Variants in GSE1 observed in about 807,000 individuals in gnomAD.
GSE1 encodes Gse1 coiled-coil protein.
GSE1 carries 32 observed loss-of-function variants against 112.6 expected under a neutral mutation model. The ratio of observed to expected loss-of-function variants is 0.28; its 90% CI spans 0.21 to 0.38. The LOEUF is 0.38. Ranked by LOEUF, GSE1 falls within the 10% of genes least tolerant of loss-of-function variation. GSE1 has a pLI of 1.00. For synonymous variants in GSE1, 1,115 were observed against 735.6 expected, an observed-to-expected ratio of 1.52 and a Z score of -8.35; for missense variants, 2,348 against 1,699.2, an observed-to-expected ratio of 1.38 and a Z score of -6.71.
chr16:85,577,477 C>T (rs565939569), intron 1 of GSE1, among the ~76,000 whole-genome samples: 1 of 152,316 alleles, frequency 6.6e-6, no homozygotes, highest in African/African-American at 2.4e-5. Flanking sequence ...AGTCCTCCAT[C>T]CTGGGCTAGC....
At chr16:85,503,153 C>T (rs1215262872) in intron 2 of GSE1, among the ~76,000 whole-genome samples, 1 of 152,188 alleles carries the variant, frequency 6.6e-6, no homozygotes, top group Non-Finnish European at 1.5e-5. Context: ...ATTGGTAGAA[C>T]AGCAGGAGGC....
chr16:85,328,302 G>A (rs2046267241), intron 1 of GSE1, among the ~76,000 whole-genome samples: 1 of 152,222 alleles, frequency 6.6e-6, no homozygotes, highest in South Asian at 2.1e-4. Flanking sequence ...CCCCAGAGAA[G>A]AGTCTCCTGG....
chr16:85,273,525 A>T (rs1909056967), intron 1 of GSE1, among the ~76,000 whole-genome samples: 1 of 150,778 alleles, frequency 6.6e-6, no homozygotes, highest in African/African-American at 2.4e-5. Flanking sequence ...AACCATGAAA[A>T]CGTGACGCTG....
intron 2 of GSE1, among the ~76,000 whole-genome samples, chr16:85,645,231 GC>G (rs2050756666): frequency 6.6e-6 from 1 of 152,074 alleles, no homozygotes; most frequent in African/African-American, 2.4e-5. Flanking sequence ...AGGGGCAGCA[GC>G]CCTCAGCCTC....
Position 85,507,674 on chromosome 16 carries a change from T to C in GSE1, c.2465-126240T>C, listed in dbSNP as rs548892350. Reference sequence around the variant, plus strand: ...TCTGTGTCCACACCTCTTCTTCTTATGGGGACACCAGTCCTATTGGATTAG... The same window carrying C: ...TCTGTGTCCACACCTCTTCTTCTTACGGGGACACCAGTCCTATTGGATTAG... On this transcript the variant is annotated intron_variant, in intron 2 of 2. Coordinates refer to the GSE1 transcript ENST00000637419. Among the ~76,000 whole-genome samples the C allele has an allele frequency of 3.9e-5, 6 of 152,234 alleles. No individual in the cohort carries two copies. The South Asian group carries it at 1.2e-3, about 32-fold the overall frequency.
chr16:85,398,658 G>A (rs532376692), intron 2 of GSE1, among the ~76,000 whole-genome samples: 1 of 152,250 alleles, frequency 6.6e-6, no homozygotes, highest in South Asian at 2.1e-4. Context: ...TATAAAGTGG[G>A]ATAGGTTAGG....
intron 1 of GSE1, among the ~76,000 whole-genome samples, chr16:85,313,057 C>A (rs1194902286): frequency 6.6e-6 from 1 of 152,160 alleles, no homozygotes. Context: ...CTCGCCAAGG[C>A]CCCAGCTCTG....
At chr16:85,342,231 C>T (rs2046639105) in intron 1 of GSE1, among the ~76,000 whole-genome samples, 1 of 152,232 alleles carries the variant, frequency 6.6e-6, no homozygotes, top group Non-Finnish European at 1.5e-5. Context: ...GTAGCCAGTG[C>T]ATCCGGACGT....
In GSE1 at chr16:85,673,374, A is replaced by C. The variant is rs1041772778; in HGVS notation, c.*835A>C. 6.6e-6 allele frequency: 1 copy of C among 151,160 alleles called. No homozygotes were observed. Among genetic ancestry groups the C allele is most frequent in the African/African-American group, 2.5e-5 (1 of 40,338 alleles). 9.4% of individuals were successfully genotyped at this position (151,160 alleles called of 1,614,324 possible). A position where few individuals can be genotyped will look rare whatever the true frequency, so the allele number is the denominator to read the frequency against. On this transcript the variant is annotated 3_prime_UTR_variant, in exon 16 of 16. Coordinates refer to ENST00000253458, the MANE Select transcript of GSE1 (RefSeq NM_014615.5). ...AAGTTTTGTATGTTTTTATTACTTT[A>C]ACTATTGTTATAAAAAGCCTGCCAT...
intron 1 of GSE1, among the ~76,000 whole-genome samples, chr16:85,630,653 C>T (rs1421582337): frequency 6.6e-6 from 1 of 152,196 alleles, no homozygotes; most frequent in Non-Finnish European, 1.5e-5. Context: ...CGTATCTTAG[C>T]TGTGTGTGGT....
intron 2 of GSE1, among the ~76,000 whole-genome samples, chr16:85,639,862 G>A (rs61732649): frequency 0.067 from 10,147 of 152,330 alleles, 483 homozygotes; most frequent in Non-Finnish European, 0.1. Context: ...GGGACGCAGC[G>A]CCCGTCTGCC....
intron 1 of GSE1, among the ~76,000 whole-genome samples, chr16:85,297,044 A>AAGCCTTC (rs2045388309): frequency 6.6e-6 from 1 of 152,196 alleles, no homozygotes; most frequent in Non-Finnish European, 1.5e-5. Context: ...GGGAAGTCCC[A>AAGCCTTC]AGCCTTCAGA....
At position 85,271,889 on chromosome 16, in the gene GSE1, G is replaced by A. The variant is rs144658535; in HGVS notation, c.2284-85574G>A. On this transcript the variant is annotated intron_variant, in intron 1 of 2. Transcript: ENST00000637419. ...GCACCCTGTTCTAAGGGTAGCAGCCGGAGACCCCAGGGCTGGGGTCAGGGC... is the reference window on the plus strand; with the variant it reads ...GCACCCTGTTCTAAGGGTAGCAGCCAGAGACCCCAGGGCTGGGGTCAGGGC... Among the ~76,000 whole-genome samples, 56 of 152,328 alleles carry A rather than the reference G, an allele frequency of 3.7e-4. 1 individual carries two copies. The highest frequency in any genetic ancestry group is 1.9e-3 in the Admixed American group (29 of 15,302).
intron 1 of GSE1, among the ~76,000 whole-genome samples, chr16:85,200,449 A>C (rs141118454): frequency 2.6e-4 from 40 of 151,956 alleles, no homozygotes; most frequent in Non-Finnish European, 4.4e-4. Flanking sequence ...TAGAGAGGTC[A>C]TGTGGTTTCC....
At chr16:85,285,418 A>G (rs543755984) in intron 1 of GSE1, 9 of 152,344 alleles carry the variant, frequency 5.9e-5, no homozygotes, top group South Asian at 2.1e-4. Flanking sequence ...ATGGTGGCTC[A>G]TGTTTGTAAT....
chr16:85,223,856 TG>T (rs772169171), intron 1 of GSE1, among the ~76,000 whole-genome samples: 3 of 152,096 alleles, frequency 2.0e-5, no homozygotes, highest in Non-Finnish European at 4.4e-5. Context: ...CCACCCATCT[TG>T]GCCCCTCAAG....
rs137949972 is a variant in GSE1, at chr16:85,452,799, C to T, written c.2464+95156C>T. 4.0e-3 allele frequency among the ~76,000 whole-genome samples: 603 copies of T among 152,286 alleles called. 4 individuals are homozygous for T. Among genetic ancestry groups the T allele is most frequent in the Non-Finnish European group, 5.9e-3 (400 of 68,010 alleles). On this transcript the variant is annotated intron_variant, in intron 2 of 2. Coordinates refer to the GSE1 transcript ENST00000637419. Reference sequence around the variant, plus strand: ...TTTCCCAGCAGTGGTAGTGGATTGGCGTTCTCTCTCCCCCGTTCGTTCTGT... The same window carrying T: ...TTTCCCAGCAGTGGTAGTGGATTGGTGTTCTCTCTCCCCCGTTCGTTCTGT...
rs879456032 is a variant in GSE1 at position 85,419,332 on chromosome 16, G to A, written c.2464+61689G>A. 2.6e-5 allele frequency among the ~76,000 whole-genome samples: 4 copies of A among 152,308 alleles called. No homozygotes were observed. The highest frequency in any genetic ancestry group is 6.5e-5 in the Admixed American group (1 of 15,306). On this transcript the variant is annotated intron_variant, in intron 2 of 2. Transcript: ENST00000637419. This position sits in a 1 kb window ranked among gnomAD's most constrained non-coding sequence, Gnocchi z 6.5. The stretch of plus-strand genomic sequence containing the variant: ...TCAGGGTTTGAGAATATACCAGATG[G>A]CCGGGCGTGGTGGCTCGTGCCTATA...
chr16:85,436,710 G>T (rs937709023), intron 2 of GSE1, among the ~76,000 whole-genome samples: 2 of 152,230 alleles, frequency 1.3e-5, no homozygotes, highest in African/African-American at 4.8e-5. Context: ...GCCCGTGGGC[G>T]CCTGTCTCCT....
Sources: gnomAD v4.1 joint callset for allele counts (sites outside exome capture counted in the v4.1 genomes callset) on GRCh38, gnomAD v4.1.1 for gene constraint, Gnocchi (gnomAD v3.1) non-coding constraint, MANE v1.5 for transcripts, NCBI Gene and HGNC (gene_info 2026-07-23, HGNC 2026-07-21) for gene names.